The following THRB variants were observed in gnomAD, a reference collection of about 807,000 sequenced individuals.
THRB encodes nuclear receptor subfamily 1 group A member 2.
Under a neutral mutation model 47.8 loss-of-function variants are expected in THRB, and 12 were observed. The ratio of observed to expected loss-of-function variants is 0.25; its 90% CI spans 0.16 to 0.41. The LOEUF is 0.41. Among genes scored for constraint, THRB ranks in the 10% least tolerant of loss-of-function variants. THRB has a pLI of 1.00. For missense variants in THRB, 348 were observed against 589.2 expected, an observed-to-expected ratio of 0.59 and a Z score of 4.24; for synonymous variants, 218 against 212.2, an observed-to-expected ratio of 1.03 and a Z score of -0.24.
intron 1 of THRB, among the ~76,000 whole-genome samples, chr3:24,445,724 T>G (rs2072005685): frequency 6.6e-6 from 1 of 152,066 alleles, no homozygotes; most frequent in South Asian, 2.1e-4. Context: ...CATAAAAACG[T>G]CCATGCCCTT....
Position 24,481,248 on chromosome 3 carries a change from T to TTTG in THRB, c.-261+13403_-261+13404insCAA, listed in dbSNP as rs768553201. Among the ~76,000 whole-genome samples the TTTG allele has an allele frequency of 7.6e-3, 1,126 of 147,830 alleles. 11 individuals are homozygous for TTTG. The highest frequency in any genetic ancestry group is 0.012 in the Non-Finnish European group (811 of 67,046). ...CTTTCTGTTTTTTTTTTTTTTTTTTTTTTTTTTTTACGGAAAAAGAAAACA... is the reference window on the plus strand; with the variant it reads ...CTTTCTGTTTTTTTTTTTTTTTTTTTTTGTTTTTTTTTACGGAAAAAGAAAACA... On this transcript the variant is annotated intron_variant, in intron 1 of 10. Transcript: ENST00000646209.
intron 2 of THRB, among the ~76,000 whole-genome samples, chr3:24,302,341 A>G (rs566259869): frequency 1.3e-5 from 2 of 152,304 alleles, no homozygotes; most frequent in East Asian, 3.9e-4. Context: ...TGTTTTTTAA[A>G]TAGTTTCCCT....
chr3:24,376,197 C>T (rs1287932245), intron 1 of THRB, among the ~76,000 whole-genome samples: 1 of 152,134 alleles, frequency 6.6e-6, no homozygotes, highest in Non-Finnish European at 1.5e-5. Flanking sequence ...AACATGGACA[C>T]AAATATTTGA....
At chr3:24,158,915 G>T (rs1359277052) in intron 5 of THRB, among the ~76,000 whole-genome samples, 1 of 151,908 alleles carries the variant, frequency 6.6e-6, no homozygotes, top group African/African-American at 2.4e-5. Context: ...TGGTATTGAT[G>T]AGATCATTTC....
chr3:24,314,552 G>A (rs1375185831), intron 2 of THRB, among the ~76,000 whole-genome samples: 1 of 152,180 alleles, frequency 6.6e-6, no homozygotes. Context: ...AAAGGGATCT[G>A]TTATCCCTCT....
At chr3:24,341,308 T>C (rs1033947371) in intron 1 of THRB, among the ~76,000 whole-genome samples, 40 of 147,270 alleles carry the variant, frequency 2.7e-4, no homozygotes, top group African/African-American at 1.0e-3. Context: ...CTTGGCTCAC[T>C]GACACTTCCA....
At chr3:24,295,210 T>C (rs2056342120) in intron 3 of THRB, among the ~76,000 whole-genome samples, 2 of 152,180 alleles carry the variant, frequency 1.3e-5, no homozygotes, top group African/African-American at 2.4e-5. Context: ...GATAGAAATA[T>C]GAAAAAACAT....
rs1162120830 is a variant in THRB at position 24,123,046 on chromosome 3, A to G, written c.1224T>C (p.Asn408=). 1.2e-6 allele frequency: 2 copies of G among 1,614,058 alleles called. No individual in the cohort carries two copies. The highest frequency in any genetic ancestry group is 1.7e-6 in the Non-Finnish European group (2 of 1,180,046). Residue 408 remains asparagine, a synonymous_variant, in exon 11 of 11, where the codon AAT becomes AAC. Transcript: ENST00000646209. ...SFLLAFEHYI[N]YRKHHVTHFW... Reference sequence around the variant, plus strand: ...AGTGTGTCACGTGGTGTTTTCGGTAATTGATATAGTGTTCAAAGGCCAGCA... The same window carrying G: ...AGTGTGTCACGTGGTGTTTTCGGTAGTTGATATAGTGTTCAAAGGCCAGCA...
intron 1 of THRB, among the ~76,000 whole-genome samples, chr3:24,436,809 C>T (rs576180627): frequency 6.6e-6 from 1 of 152,100 alleles, no homozygotes; most frequent in Non-Finnish European, 1.5e-5. Context: ...AGGTTCTCTT[C>T]TTCTGTGTGA....
At chr3:24,260,305 C>G (rs958867412) in intron 3 of THRB, among the ~76,000 whole-genome samples, 1 of 152,138 alleles carries the variant, frequency 6.6e-6, no homozygotes, top group Non-Finnish European at 1.5e-5. Context: ...TTGCCGTATC[C>G]AGCACTCTGG....
intron 1 of THRB, among the ~76,000 whole-genome samples, chr3:24,365,613 C>T (rs1420052589): frequency 6.6e-6 from 1 of 152,196 alleles, no homozygotes; most frequent in African/African-American, 2.4e-5. Context: ...CAAACAGCAG[C>T]AGTCAATTGC....
intron 6 of THRB, among the ~76,000 whole-genome samples, chr3:24,151,234 C>T (rs1315914552): frequency 6.6e-6 from 1 of 152,114 alleles, no homozygotes; most frequent in East Asian, 1.9e-4. Flanking sequence ...CTAAATGTTT[C>T]CTAATGTCAC....
At chr3:24,425,878 T>C (rs2069709909) in intron 1 of THRB, among the ~76,000 whole-genome samples, 1 of 151,978 alleles carries the variant, frequency 6.6e-6, no homozygotes, top group South Asian at 2.1e-4. Context: ...AAATAACCTC[T>C]ACCTCATATG....
intron 9 of THRB, among the ~76,000 whole-genome samples, chr3:24,128,869 T>TTTTTTTTTTTTC (rs2033368824): frequency 1.2e-5 from 1 of 83,040 alleles, no homozygotes; most frequent in Non-Finnish European, 2.1e-5. Context: ...AACTCTTTTT[T>TTTTTTTTTTTTC]TTTTTTTTTT....
At chr3:24,473,408 A>G (rs1046900873) in intron 1 of THRB, among the ~76,000 whole-genome samples, 8 of 152,204 alleles carry the variant, frequency 5.3e-5, no homozygotes. Flanking sequence ...CACACCAGTT[A>G]GAATGGTGAT....
chr3:24,215,503 A>G (rs1156547689), intron 4 of THRB, among the ~76,000 whole-genome samples: 3 of 152,210 alleles, frequency 2.0e-5, no homozygotes, highest in Non-Finnish European at 4.4e-5. Flanking sequence ...CTGTCTAGAG[A>G]TGTTGGTAAA....
intron 1 of THRB, among the ~76,000 whole-genome samples, chr3:24,438,175 G>A (rs1296300322): frequency 2.0e-5 from 3 of 151,680 alleles, no homozygotes; most frequent in Admixed American, 6.6e-5. Context: ...ATGGCTACCC[G>A]GCTTCATTCC....
intron 5 of THRB, among the ~76,000 whole-genome samples, chr3:24,185,889 C>T (rs1298112363): frequency 6.6e-6 from 1 of 152,098 alleles, no homozygotes; most frequent in Non-Finnish European, 1.5e-5. Flanking sequence ...AGGATCAGGG[C>T]CCCAGTCAAA....
intron 3 of THRB, among the ~76,000 whole-genome samples, chr3:24,275,507 G>A (rs1214151197): frequency 6.6e-6 from 1 of 152,208 alleles, no homozygotes; most frequent in Non-Finnish European, 1.5e-5. Context: ...CTTCTAAGGG[G>A]AAGAGGTCAG....
Sources: gnomAD v4.1 joint callset for allele counts (sites outside exome capture counted in the v4.1 genomes callset) on GRCh38, gnomAD v4.1.1 for gene constraint, MANE v1.5 for transcripts, NCBI Gene and HGNC (gene_info 2026-07-23, HGNC 2026-07-21) for gene names.